The following FBXL17 variants were observed in gnomAD, a reference collection of about 807,000 sequenced individuals.
FBXL17 encodes F-box and leucine rich repeat protein 17, also known as F-box/LRR-repeat protein 17.
In FBXL17, 22 loss-of-function variants were observed where a neutral mutation model predicts 66.2. The ratio of observed to expected loss-of-function variants is 0.33; its 90% CI spans 0.24 to 0.47. FBXL17 has a LOEUF of 0.47. Among genes scored for constraint, FBXL17 ranks in the 20% least tolerant of loss-of-function variants. The pLI, the probability that FBXL17 is intolerant of heterozygous loss-of-function variation, is 1.00. For synonymous variants in FBXL17, 474 were observed against 400.5 expected (o/e 1.18, Z -2.19); for missense variants, 878 against 948.2 (o/e 0.93, Z 0.97).
At chr5:108,004,065 T>C (rs1753837533) in intron 7 of FBXL17, among the ~76,000 whole-genome samples, 1 of 151,990 alleles carries the variant, frequency 6.6e-6, no homozygotes, top group African/African-American at 2.4e-5. Flanking sequence ...AAAGAAGATA[T>C]TGCAAGCAAA....
At chr5:108,354,268 T>G (rs1184889994) in intron 3 of FBXL17, among the ~76,000 whole-genome samples, 1 of 152,176 alleles carries the variant, frequency 6.6e-6, no homozygotes, top group Non-Finnish European at 1.5e-5. Flanking sequence ...ATGTTGGAAT[T>G]ACCAGGCCGG....
intron 4 of FBXL17, among the ~76,000 whole-genome samples, chr5:108,294,824 C>A (rs1257923419): frequency 6.6e-6 from 1 of 152,044 alleles, no homozygotes; most frequent in Non-Finnish European, 1.5e-5. Flanking sequence ...TCTATTTCTG[C>A]AATAAACCTT....
chr5:108,224,819 G>A (rs1048077533), intron 4 of FBXL17, among the ~76,000 whole-genome samples: 2 of 151,854 alleles, frequency 1.3e-5, no homozygotes, highest in Non-Finnish European at 2.9e-5. Context: ...GTGGAGACGG[G>A]GTTTCACCAT....
chr5:107,952,531 T>C (rs1048572725), intron 7 of FBXL17, among the ~76,000 whole-genome samples: 7 of 152,234 alleles, frequency 4.6e-5, no homozygotes, highest in African/African-American at 1.7e-4. Context: ...TGGAACTGTT[T>C]GAATTACAGG....
chr5:108,041,866 T>C (rs543700479), intron 6 of FBXL17, among the ~76,000 whole-genome samples: 1 of 152,338 alleles, frequency 6.6e-6, no homozygotes, highest in South Asian at 2.1e-4. Context: ...TTTACTATAC[T>C]TCTTCTATCA....
At chr5:108,073,524 TA>T (rs1008807341) in intron 6 of FBXL17, among the ~76,000 whole-genome samples, 1 of 151,632 alleles carries the variant, frequency 6.6e-6, no homozygotes, top group Non-Finnish European at 1.5e-5. Context: ...TAACCAAAAC[TA>T]AAAAACTAGA....
intron 7 of FBXL17, among the ~76,000 whole-genome samples, chr5:108,010,170 C>T (rs571491019): frequency 6.6e-6 from 1 of 152,258 alleles, no homozygotes; most frequent in South Asian, 2.1e-4. Flanking sequence ...TTTGAAAGCC[C>T]ATGAATGTAA....
At chr5:108,303,860 C>T (rs1225594545) in intron 4 of FBXL17, among the ~76,000 whole-genome samples, 1 of 151,826 alleles carries the variant, frequency 6.6e-6, no homozygotes, top group Non-Finnish European at 1.5e-5. Context: ...TATATTCAAA[C>T]TTTCTCATTT....
intron 7 of FBXL17, among the ~76,000 whole-genome samples, chr5:107,995,877 T>C (rs1366118685): frequency 6.6e-6 from 1 of 152,076 alleles, no homozygotes; most frequent in Non-Finnish European, 1.5e-5. Context: ...AAAAATACAG[T>C]CATGGAAAAA....
At chr5:108,126,644 TC>T (rs1750713919) in intron 6 of FBXL17, among the ~76,000 whole-genome samples, 1 of 75,134 alleles carries the variant, frequency 1.3e-5, no homozygotes, top group Non-Finnish European at 2.7e-5. Flanking sequence ...TCTCTCTCTC[TC>T]TCTCTCTATA....
At chr5:107,928,719 G>A (rs1018410494) in intron 7 of FBXL17, among the ~76,000 whole-genome samples, 28 of 152,178 alleles carry the variant, frequency 1.8e-4, no homozygotes, top group Admixed American at 9.2e-4. Context: ...ATTACTATAA[G>A]CAGAGCAAAA....
chr5:108,135,220 GA>G (rs1381973746), intron 6 of FBXL17, among the ~76,000 whole-genome samples: 1 of 152,022 alleles, frequency 6.6e-6, no homozygotes, highest in Non-Finnish European at 1.5e-5. Flanking sequence ...TAGATTTGGA[GA>G]AAAAAAGCTG....
chr5:108,064,151 G>A (rs1158266773), intron 6 of FBXL17, among the ~76,000 whole-genome samples: 1 of 151,898 alleles, frequency 6.6e-6, no homozygotes, highest in Non-Finnish European at 1.5e-5. Context: ...TTAACATTAT[G>A]GCCCTGTTTA....
intron 6 of FBXL17, among the ~76,000 whole-genome samples, chr5:108,072,716 A>G (rs963006231): frequency 6.7e-6 from 1 of 148,680 alleles, no homozygotes; most frequent in East Asian, 2.0e-4. Flanking sequence ...TCAAAAAAAG[A>G]AAGTACAGAA....
At position 108,382,023 on chromosome 5, in the gene FBXL17, C is replaced by G. The variant is rs1047913583; in HGVS notation, c.-332G>C. 18 of 1,084,190 alleles carry G rather than the reference C, an allele frequency of 1.7e-5. No individual in the cohort carries two copies. The highest frequency in any genetic ancestry group is 1.9e-5 in the Non-Finnish European group (17 of 882,972). The allele number at this position is 1,084,190 out of a possible 1,614,324, so 67.2% of individuals were successfully genotyped here. ...CAGCCGGCTCAGTCAGTCAGCGGAG[C>G]GGCCGGGGAAAGGCCGGGTCCCGCT... On this transcript the variant is annotated 5_prime_UTR_variant, in exon 1 of 9. Transcript: ENST00000542267.
chr5:107,933,985 C>T (rs1025060482), intron 7 of FBXL17, among the ~76,000 whole-genome samples: 1 of 152,084 alleles, frequency 6.6e-6, no homozygotes, highest in Admixed American at 6.6e-5. Flanking sequence ...GAGTATAAGG[C>T]ATTATTACTG....
intron 7 of FBXL17, among the ~76,000 whole-genome samples, chr5:107,894,138 A>G (rs1749295801): frequency 6.6e-6 from 1 of 152,192 alleles, no homozygotes; most frequent in Non-Finnish European, 1.5e-5. Context: ...TATCTAATAA[A>G]CTTTTACTTA....
intron 6 of FBXL17, among the ~76,000 whole-genome samples, chr5:108,136,725 G>A (rs541437632): frequency 6.6e-6 from 1 of 152,244 alleles, no homozygotes; most frequent in Admixed American, 6.5e-5. Flanking sequence ...AGAGAGCTTG[G>A]TAATCCCAGA....
rs1748057634 is a variant in FBXL17 at position 107,859,388 on chromosome 5, C to CTTTTTTTT, written c.*2331_*2332insAAAAAAAA. On this transcript the variant is annotated 3_prime_UTR_variant, in exon 9 of 9. Transcript: ENST00000542267. ...CACTCAAGGTGATGCTTTTTTCTGG[C>CTTTTTTTT]TGTTTTTTTTTTTTTTTTTTTTTTT... 4 of 68,458 alleles carry CTTTTTTTT rather than the reference C, an allele frequency of 5.8e-5. No individual in the cohort carries two copies. Among genetic ancestry groups the CTTTTTTTT allele is most frequent in the African/African-American group, 2.1e-4 (4 of 19,370 alleles). The allele number at this position is 68,458 out of a possible 1,614,324, so 4.2% of individuals were successfully genotyped here.
Sources: gnomAD v4.1 joint callset for allele counts (sites outside exome capture counted in the v4.1 genomes callset) on GRCh38, gnomAD v4.1.1 for gene constraint, MANE v1.5 for transcripts, NCBI Gene and HGNC (gene_info 2026-07-23, HGNC 2026-07-21) for gene names.